The following ECHDC2 variants were observed in gnomAD, a reference collection of about 807,000 sequenced individuals.
ECHDC2 encodes enoyl-CoA hydratase domain containing 2.
A neutral mutation model predicts 40.6 loss-of-function variants in ECHDC2; 34 were observed. That is an observed-to-expected ratio of 0.84 (90% CI 0.64 to 1.11). The LOEUF (loss-of-function observed/expected upper bound fraction) is 1.11. ECHDC2 is among the 50% of genes most tolerant of loss of function. The probability of loss-of-function intolerance (pLI) is 0.00; values close to 1 mark genes in which losing one functional copy is unlikely to be tolerated. For synonymous variants in ECHDC2, 162 were observed against 166.6 expected (o/e 0.97, Z 0.21); for missense variants, 392 against 400.7 (o/e 0.98, Z 0.19).
intron 5 of ECHDC2, chr1:52,905,846 T>C (rs1647660449): frequency 5.8e-6 from 1 of 171,914 alleles, no homozygotes; most frequent in East Asian, 1.7e-4. Flanking sequence ...GTCAGTTCCT[T>C]CTCTTTGACC....
chr1:52,903,348 C>T (rs1234512096), intron 7 of ECHDC2, among the ~76,000 whole-genome samples: 8 of 152,070 alleles, frequency 5.3e-5, no homozygotes, highest in African/African-American at 1.9e-4. Flanking sequence ...GATTTTGGTG[C>T]ACCGTACCCA....
At position 52,905,028 on chromosome 1, in the gene ECHDC2, G is replaced by C. The variant is rs199838304; in HGVS notation, c.514+6C>G. 3.1e-6 allele frequency: 5 copies of C among 1,614,072 alleles called. No homozygotes were observed. Among genetic ancestry groups the C allele is most frequent in the African/African-American group, 1.3e-5 (1 of 74,924 alleles). ...GGAATTGGGCGGGTGCTGTAGTTGCGATTACCTGCCCCCGGGAGGAGCCCT... is the reference window on the plus strand; with the variant it reads ...GGAATTGGGCGGGTGCTGTAGTTGCCATTACCTGCCCCCGGGAGGAGCCCT... On this transcript the variant is annotated splice_donor_region_variant and intron_variant, in intron 6 of 9. Transcript: ENST00000371522.
intron 7 of ECHDC2, chr1:52,899,432 A>G (rs2298145): frequency 0.042 from 24,736 of 591,148 alleles, 830 homozygotes; most frequent in African/African-American, 0.12. Context: ...TGATCCCTGA[A>G]CACCTGGGTT....
At chr1:52,910,037 C>T (rs549560130) in intron 3 of ECHDC2, among the ~76,000 whole-genome samples, 12 of 152,190 alleles carry the variant, frequency 7.9e-5, no homozygotes, top group African/African-American at 2.4e-4. Flanking sequence ...CTTGGAGGAA[C>T]CTTGAGGACA....
chr1:52,911,357 G>A (rs1360744244), intron 3 of ECHDC2, among the ~76,000 whole-genome samples: 4 of 152,170 alleles, frequency 2.6e-5, no homozygotes, highest in African/African-American at 9.7e-5. Flanking sequence ...CTAAGGGTTA[G>A]AGAGGCCAAG....
chr1:52,900,357 AAAC>A (rs1391425670), intron 7 of ECHDC2: 1 of 152,236 alleles, frequency 6.6e-6, no homozygotes, highest in East Asian at 1.9e-4. Context: ...TGCCTTTATA[AAAC>A]AAAACCAAAC....
At chr1:52,906,947 T>TG (rs1648049643) in intron 4 of ECHDC2, 1 of 158,048 alleles carries the variant, frequency 6.3e-6, no homozygotes, top group African/African-American at 2.4e-5. Flanking sequence ...TTGTATTTTT[T>TG]TTTTTTTTTT....
chr1:52,904,945 G>T, intron 6 of ECHDC2, 89 bp downstream of exon 6: 1 of 1,598,690 alleles, frequency 6.3e-7, no homozygotes, highest in African/African-American at 1.3e-5. Context: ...TCAGGTGGGA[G>T]GGCAGAGCCC....
chr1:52,913,483 G>A (rs984196076), intron 1 of ECHDC2: 6 of 152,140 alleles, frequency 3.9e-5, no homozygotes, highest in East Asian at 1.9e-4. Flanking sequence ...CAAGGGACAC[G>A]TTTCTCTCCT....
In ECHDC2 at chr1:52,909,422, T is replaced by G. The variant is rs77213599; in HGVS notation, c.278-1468A>C. Among the ~76,000 whole-genome samples the G allele has an allele frequency of 7.5e-3, 1,145 of 151,888 alleles. 12 individuals are homozygous for G. The highest frequency in any genetic ancestry group is 0.026 in the African/African-American group (1,080 of 41,412). ...TGCTCATATATCCTCCTGTATACTC[T>G]AAGCCAGGGGTTCCAATCTTTTGGC... On this transcript the variant is annotated intron_variant, in intron 3 of 9. Coordinates refer to ENST00000371522, the MANE Select transcript of ECHDC2 (RefSeq NM_001198961.2).
At chr1:52,917,961 T>G (rs1437104586) in intron 1 of ECHDC2, among the ~76,000 whole-genome samples, 1 of 152,184 alleles carries the variant, frequency 6.6e-6, no homozygotes, top group Non-Finnish European at 1.5e-5. Flanking sequence ...TAGAATATAC[T>G]CCTACTTTTT....
intron 1 of ECHDC2, among the ~76,000 whole-genome samples, chr1:52,919,177 T>C (rs916661189): frequency 2.6e-5 from 4 of 152,154 alleles, no homozygotes; most frequent in Admixed American, 6.5e-5. Flanking sequence ...ATGAAAATAG[T>C]CCCTGGTGCC....
intron 3 of ECHDC2, among the ~76,000 whole-genome samples, chr1:52,909,680 A>G (rs965305945): frequency 3.9e-5 from 6 of 152,224 alleles, no homozygotes; most frequent in African/African-American, 1.4e-4. Flanking sequence ...TTGTCTCTAG[A>G]TTACTTACAA....
chr1:52,904,255 GC>G (rs1209313812), intron 7 of ECHDC2, among the ~76,000 whole-genome samples: 2 of 152,168 alleles, frequency 1.3e-5, no homozygotes, highest in Non-Finnish European at 2.9e-5. Context: ...GTAGCCACAA[GC>G]CACATGTGGC....
chr1:52,906,569 G>A lies in ECHDC2; in HGVS notation c.407C>T (p.Ala136Val). Reference protein sequence around the residue: ...APTIAAMDGFALGGGLELALA... With the variant: ...APTIAAMDGFVLGGGLELALA... ...GGCAAGCTCTAGGCCTCCGCCCAAG[G>A]CAAACCCATCCATAGCCGCAATGGT... Residue 136 changes from alanine (A) to valine (V), a missense_variant, in exon 5 of 10, where the codon GCC becomes GTC. Physicochemically the swap from Ala to Val is moderately conservative, Grantham distance 64 (BLOSUM62 0). Coordinates refer to ENST00000371522, the MANE Select transcript of ECHDC2 (RefSeq NM_001198961.2). 1.9e-6 allele frequency: 3 copies of A among 1,612,518 alleles called. No individual in the cohort carries two copies. Among genetic ancestry groups the A allele is most frequent in the Non-Finnish European group, 1.7e-6 (2 of 1,179,718 alleles).
intron 4 of ECHDC2, 132 bp downstream of exon 4, chr1:52,907,736 G>C (rs893853074): frequency 4.0e-6 from 3 of 744,848 alleles, no homozygotes; most frequent in Non-Finnish European, 6.6e-6. Context: ...CCATCCCCCT[G>C]GGTGAGTCAT....
chr1:52,914,959 C>T lies in ECHDC2; in HGVS notation c.122-3169G>A, dbSNP rs138498112. Among the ~76,000 whole-genome samples the T allele has an allele frequency of 4.6e-5, 7 of 152,216 alleles. 1 individual carries two copies. Among genetic ancestry groups the T allele is most frequent in the South Asian group, 4.2e-4 (2 of 4,818 alleles). On this transcript the variant is annotated intron_variant, in intron 1 of 9. Coordinates refer to ENST00000371522, the MANE Select transcript of ECHDC2 (RefSeq NM_001198961.2). The surrounding 1 kb of genome is among the most constrained non-coding windows in gnomAD (Gnocchi z 4.0). ...CACAGTCATCTTTCTTACCCCAATC[C>T]GACCACGTCCCTCCCCTTCCCCCTT...
At chr1:52,921,373 T>G (rs554402221) in intron 1 of ECHDC2, 180 bp downstream of exon 1, 1 of 1,377,796 alleles carries the variant, frequency 7.3e-7, no homozygotes, top group Non-Finnish European at 9.4e-7. Flanking sequence ...AGCTAGAGTC[T>G]GGAGCCACTA....
rs557014672 is a variant in ECHDC2 at position 52,897,536 on chromosome 1, C to A, written c.754-52G>T. 5 of 1,598,086 alleles carry A rather than the reference C, an allele frequency of 3.1e-6. No individual in the cohort carries two copies. In the South Asian group the frequency reaches 4.4e-5, roughly 14 times the overall value. The stretch of plus-strand genomic sequence containing the variant: ...TGGTCTGACCTTGTCCATCTTCACC[C>A]ACACTGGAAGCCAGCCCACCCTATT... On this transcript the variant is annotated intron_variant, in intron 8 of 9. Coordinates refer to ENST00000371522, the MANE Select transcript of ECHDC2 (RefSeq NM_001198961.2).
Sources: allele counts gnomAD v4.1 joint callset (sites outside exome capture counted in the v4.1 genomes callset), GRCh38; gene constraint gnomAD v4.1.1; non-coding constraint Gnocchi (gnomAD v3.1); transcripts MANE v1.5; gene names NCBI Gene and HGNC (gene_info 2026-07-23, HGNC 2026-07-21).